Variants in STK24 observed in about 807,000 individuals in gnomAD.
STK24 encodes the protein serine/threonine-protein kinase 24.
In STK24, 21 loss-of-function variants were observed where a neutral mutation model predicts 55.6. That is an observed-to-expected ratio of 0.38 (90% CI 0.27 to 0.54). The LOEUF (loss-of-function observed/expected upper bound fraction) is 0.54. STK24 is among the 20% of genes least tolerant of loss of function. The pLI is 0.79. For synonymous variants in STK24, 200 were observed against 215.2 expected (o/e 0.93, Z 0.62); for missense variants, 383 against 538.4 (o/e 0.71, Z 2.86).
chr13:98,499,193 T>G (rs9517326), intron 2 of STK24, among the ~76,000 whole-genome samples: 141,493 of 151,918 alleles, frequency 0.93, 66,070 homozygotes, highest in East Asian at 1. Flanking sequence ...AGCCGAGATT[T>G]TACCACTGCA....
rs79104160 is a variant in STK24 at position 98,471,737 on chromosome 13, A to G, written c.597+3084T>C. 8.4e-3 allele frequency among the ~76,000 whole-genome samples: 1,278 copies of G among 152,330 alleles called. 23 individuals carry two copies. Among genetic ancestry groups the G allele is most frequent in the African/African-American group, 0.028 (1,182 of 41,570 alleles). ...GGTTCCAAACATATACAGGAAATGG[A>G]GGTTTGTATTCCCTTTAGTTCAGTG... is the stretch of plus-strand genomic sequence containing the variant. On this transcript the variant is annotated intron_variant, in intron 5 of 10. Coordinates refer to ENST00000539966, the MANE Select transcript of STK24 (RefSeq NM_001032296.4).
rs534132028 is a variant in STK24 at position 98,471,829 on chromosome 13, C to T, written c.597+2992G>A. On this transcript the variant is annotated intron_variant, in intron 5 of 10. Coordinates refer to ENST00000539966, the MANE Select transcript of STK24 (RefSeq NM_001032296.4). ...CCCAACCCACCCTTCCTTTGACAATCTGCGTGTGAACCTAGGTGTGACTTG... is the reference window on the plus strand; with the variant it reads ...CCCAACCCACCCTTCCTTTGACAATTTGCGTGTGAACCTAGGTGTGACTTG... 4.6e-5 allele frequency among the ~76,000 whole-genome samples: 7 copies of T among 152,314 alleles called. No individual in the cohort carries two copies. The South Asian group carries it at 1.5e-3, about 32-fold the overall frequency.
At chr13:98,482,722 G>A (rs1294448837) in intron 2 of STK24, among the ~76,000 whole-genome samples, 4 of 152,238 alleles carry the variant, frequency 2.6e-5, no homozygotes, top group Admixed American at 1.3e-4. Context: ...GGAGAGCAGT[G>A]CCAAGGCAAG....
At chr13:98,527,890 T>C (rs1896477150) in intron 1 of STK24, among the ~76,000 whole-genome samples, 1 of 152,230 alleles carries the variant, frequency 6.6e-6, no homozygotes, top group Non-Finnish European at 1.5e-5. Flanking sequence ...TCCCCTGCTG[T>C]GACTGCAGCC....
intron 1 of STK24, among the ~76,000 whole-genome samples, chr13:98,550,836 AGT>A (rs1279945280): frequency 6.6e-6 from 1 of 152,220 alleles, no homozygotes; most frequent in Non-Finnish European, 1.5e-5. Context: ...TACTGCTTCC[AGT>A]GTTTTCAATT....
Position 98,461,837 on chromosome 13 carries a change from T to G in STK24, c.990A>C (p.Arg330=), listed in dbSNP as rs1244156738. 1 of 1,614,030 alleles carries G rather than the reference T, an allele frequency of 6.2e-7. No individual in the cohort carries two copies. Among genetic ancestry groups the G allele is most frequent in the African/African-American group, 1.3e-5 (1 of 74,922 alleles). ...SDSGDWIFTI[R]EKDPKNLENG... is the part of the protein sequence containing the mutation. ...TCTCGAGATTCTTGGGATCTTTTTC[T>G]CGGATTGTGAAGATCCAGTCCCCAG... Residue 330 remains arginine (R), a synonymous_variant, in exon 8 of 11, where the codon CGA becomes CGC. Coordinates refer to ENST00000539966, the MANE Select transcript of STK24 (RefSeq NM_001032296.4).
chr13:98,492,060 C>T (rs1173671624), intron 2 of STK24, among the ~76,000 whole-genome samples: 1 of 136,628 alleles, frequency 7.3e-6, no homozygotes, highest in Non-Finnish European at 1.6e-5. Context: ...AATTCACCTC[C>T]TTTAAAGTGC....
intron 1 of STK24, among the ~76,000 whole-genome samples, chr13:98,538,800 CT>C (rs1836372539): frequency 6.6e-6 from 1 of 152,212 alleles, no homozygotes; most frequent in African/African-American, 2.4e-5. Context: ...ATCACTGCCA[CT>C]GCCTCCTTCC....
At position 98,556,722 on chromosome 13, in the gene STK24, C is replaced by A. The variant is rs146411743; in HGVS notation, c.42+20023G>T. ...GTTTAACTCACCTAGAGGCTTCTAC[C>A]CGATTTTTGCAGGTGCAACCAAGAC... On this transcript the variant is annotated intron_variant, in intron 1 of 10. Coordinates refer to ENST00000539966, the MANE Select transcript of STK24 (RefSeq NM_001032296.4). 2.3e-3 allele frequency among the ~76,000 whole-genome samples: 349 copies of A among 152,172 alleles called. 2 individuals are homozygous for A. Among genetic ancestry groups the A allele is most frequent in the African/African-American group, 8.2e-3 (340 of 41,512 alleles).
intron 2 of STK24, among the ~76,000 whole-genome samples, chr13:98,489,497 G>A (rs753413991): frequency 1.3e-5 from 2 of 152,206 alleles, no homozygotes; most frequent in African/African-American, 4.8e-5. Flanking sequence ...GAGGGGGAAC[G>A]CAGAGTGAGT....
intron 1 of STK24, among the ~76,000 whole-genome samples, chr13:98,554,314 G>C (rs72646404): frequency 0.031 from 4,685 of 152,166 alleles, 111 homozygotes; most frequent in Middle Eastern, 0.044. Context: ...GCTCTTTACA[G>C]AACAGAACTT....
rs769540722 is a variant in STK24 at position 98,575,402 on chromosome 13, T to TACACACACAC, written c.42+1342_42+1343insGTGTGTGTGT. Among the ~76,000 whole-genome samples, 160 of 98,638 alleles carry TACACACACAC rather than the reference T, an allele frequency of 1.6e-3. 2 individuals carry two copies. The highest frequency in any genetic ancestry group is 5.0e-3 in the African/African-American group (147 of 29,290). The allele number at this position is 98,638 out of a possible 152,430, so 64.7% of individuals were successfully genotyped here. Reference sequence around the variant, plus strand: ...TATACACACATATATATACTGCTTATATATACACACACACACACACACACA... The same window carrying TACACACACAC: ...TATACACACATATATATACTGCTTATACACACACACATATACACACACACACACACACACA... On this transcript the variant is annotated intron_variant, in intron 1 of 10. Coordinates refer to ENST00000539966, the MANE Select transcript of STK24 (RefSeq NM_001032296.4).
At chr13:98,540,763 CAAAAAAAAA>C (rs35957882) in intron 1 of STK24, among the ~76,000 whole-genome samples, 5 of 58,870 alleles carry the variant, frequency 8.5e-5, no homozygotes, top group African/African-American at 2.5e-4. Context: ...ATATTAAAAG[CAAAAAAAAA>C]AAAAAAAAAA....
At chr13:98,521,261 C>T (rs1054214806) in intron 1 of STK24, among the ~76,000 whole-genome samples, 13 of 148,742 alleles carry the variant, frequency 8.7e-5, no homozygotes, top group Non-Finnish European at 1.7e-4. Context: ...GGTGATTAAT[C>T]GAGAGGCATT....
chr13:98,461,742 C>T, intron 8 of STK24, 32 bp downstream of exon 8: 1 of 1,608,960 alleles, frequency 6.2e-7, no homozygotes, highest in South Asian at 1.1e-5. Flanking sequence ...AGACTGAGGT[C>T]AGCGTGGCCA....
chr13:98,546,337 T>C (rs1220535426), intron 1 of STK24, among the ~76,000 whole-genome samples: 1 of 152,134 alleles, frequency 6.6e-6, no homozygotes, highest in Non-Finnish European at 1.5e-5. Flanking sequence ...GAGAAAGCCC[T>C]TACTTTCAAA....
rs987170008 is a variant in STK24, at chr13:98,448,182, T to G, written c.*4991A>C. 1 of 1,450,962 alleles carries G rather than the reference T, an allele frequency of 6.9e-7. No individual in the cohort carries two copies. The highest frequency in any genetic ancestry group is 1.7e-5 in the Admixed American group (1 of 59,772). 89.9% of individuals were successfully genotyped at this position (1,450,962 alleles called of 1,614,324 possible). On this transcript the variant is annotated 3_prime_UTR_variant, in exon 11 of 11. Coordinates refer to ENST00000539966, the MANE Select transcript of STK24 (RefSeq NM_001032296.4). ...TTTCTGTAAGCGATGCCCACCAAAG[T>G]GTCAGGAGTCCGTCCAAACAAAAGG...
chr13:98,458,164 A>C (rs1172838369), intron 9 of STK24, among the ~76,000 whole-genome samples: 1 of 152,198 alleles, frequency 6.6e-6, no homozygotes, highest in African/African-American at 2.4e-5. Flanking sequence ...CTCTACTCCC[A>C]AGAGAAATCA....
chr13:98,480,740 G>C (rs189158380), intron 3 of STK24, among the ~76,000 whole-genome samples: 13 of 152,238 alleles, frequency 8.5e-5, no homozygotes, highest in Non-Finnish European at 1.5e-4. Flanking sequence ...TGAGAAAAAA[G>C]TTTCATTTTA....
Sources: gnomAD v4.1 joint callset for allele counts (sites outside exome capture counted in the v4.1 genomes callset) on GRCh38, gnomAD v4.1.1 for gene constraint, MANE v1.5 for transcripts, NCBI Gene and HGNC (gene_info 2026-07-23, HGNC 2026-07-21) for gene names.